MGA: variants seen among roughly 807,000 people sequenced by gnomAD.
MGA encodes the protein MAX gene-associated protein.
MGA carries 40 observed loss-of-function variants against 261.1 expected under a neutral mutation model. The ratio of observed to expected loss-of-function variants is 0.15; its 90% confidence interval spans 0.12 to 0.20. The LOEUF is 0.20. MGA is among the 10% of genes least tolerant of loss of function. MGA has a pLI of 1.00. For missense variants in MGA, 3,397 were observed against 3,630.5 expected (o/e 0.94, Z 1.65); for synonymous variants, 1,302 against 1,290.6 (o/e 1.01, Z -0.19).
chr15:41,633,153 G>A (rs986281864), intron 1 of MGA, among the ~76,000 whole-genome samples: 2 of 151,928 alleles, frequency 1.3e-5, no homozygotes, highest in Non-Finnish European at 2.9e-5. Context: ...GTTTCACTGC[G>A]TTAGCCAGGA....
At position 41,687,600 on chromosome 15, in the gene MGA, A is replaced by C. The variant is rs1311004143; in HGVS notation, c.1065-8475A>C. On this transcript the variant is annotated intron_variant, in intron 2 of 23. Transcript: ENST00000219905. ...TAAACTATTCGTTTGACTCTTGAGC[A>C]CTACTTTAGGTACATTCTACACATT... Among the ~76,000 whole-genome samples the C allele has an allele frequency of 3.9e-5, 6 of 152,176 alleles. 1 individual carries two copies. The highest frequency in any genetic ancestry group is 3.9e-4 in the Admixed American group (6 of 15,272).
chr15:41,684,330 C>A, intron 2 of MGA: 1 of 443,316 alleles, frequency 2.3e-6, no homozygotes, highest in Non-Finnish European at 4.5e-6. Flanking sequence ...GCATTGATTA[C>A]ATAATGCCAA....
At position 41,727,387 on chromosome 15, in the gene MGA, C is replaced by T; in HGVS notation, c.3638C>T (p.Thr1213Ile). 6.2e-7 allele frequency: 1 copy of T among 1,613,618 alleles called. No homozygotes were observed. The highest frequency in any genetic ancestry group is 1.1e-5 in the South Asian group (1 of 91,030). The change falls in exon 10 of 24, where the codon ACT becomes ATT. Residue 1213 changes from threonine to isoleucine, a missense_variant. By Grantham distance (89) the Thr-to-Ile change is moderately conservative. This residue lies in a region of MGA where 519 missense variants were observed against 554.1 expected (regional missense o/e 0.94). Transcript: ENST00000219905. The stretch of plus-strand genomic sequence containing the variant: ...GGAATTAAATCTCCACGGTCATATA[C>T]TCCCAAACCCAATCCTGTGGTAAGT...
Position 41,736,363 on chromosome 15 carries a change from C to G in MGA, c.4099C>G (p.Leu1367Val). The change falls in exon 13 of 24, where the codon CTT becomes GTT. Residue 1367 changes from leucine to valine, a missense_variant. Leu to Val is a conservative substitution (Grantham distance 32). Transcript: ENST00000219905. Reference sequence around the variant, plus strand: ...CATCAATAGCAACATGCCACAATCACTTAAGGTGGGCAGCTTCATCATTGA... The same window carrying G: ...CATCAATAGCAACATGCCACAATCAGTTAAGGTGGGCAGCTTCATCATTGA... 2 of 1,614,004 alleles carry G rather than the reference C, an allele frequency of 1.2e-6. No individual in the cohort carries two copies. Among genetic ancestry groups the G allele is most frequent in the Non-Finnish European group, 1.7e-6 (2 of 1,179,890 alleles).
chr15:41,760,592 A>T, intron 20 of MGA, 63 bp downstream of exon 20: 1 of 1,522,208 alleles, frequency 6.6e-7, no homozygotes, highest in Non-Finnish European at 9.1e-7. Flanking sequence ...ATGATATGAG[A>T]AAGATAATCC....
rs1336502207 is a variant in MGA, at chr15:41,766,914, T to C, written c.8832T>C (p.Ala2944=). Reference sequence around the variant, plus strand: ...ATTCCCTCCTTTCCAACAAGAAAGCTATTGATGGAGGGAAGAATACTTCTG... The same window carrying C: ...ATTCCCTCCTTTCCAACAAGAAAGCCATTGATGGAGGGAAGAATACTTCTG... The change falls in exon 24 of 24, where the codon GCT becomes GCC. Residue 2944 remains alanine, a synonymous_variant. Coordinates refer to ENST00000219905, the MANE Select transcript of MGA (RefSeq NM_001164273.2). The C allele has an allele frequency of 6.2e-7, 1 of 1,614,012 alleles. No homozygotes were observed. Among genetic ancestry groups the C allele is most frequent in the Non-Finnish European group, 8.5e-7 (1 of 1,179,882 alleles).
chr15:41,753,657 C>A (rs1403116994), intron 17 of MGA, among the ~76,000 whole-genome samples: 1 of 152,110 alleles, frequency 6.6e-6, no homozygotes, highest in East Asian at 1.9e-4. Flanking sequence ...TATCCTATTT[C>A]TATACCTGCC....
At chr15:41,742,479 A>G (rs1297310743) in intron 14 of MGA, 67 bp from the exon 15 acceptor site, 3 of 1,550,696 alleles carry the variant, frequency 1.9e-6, no homozygotes, top group Non-Finnish European at 2.6e-6. Context: ...AATGTCGGTA[A>G]GCACAGTCAC....
At chr15:41,727,113 G>C in intron 9 of MGA, 67 bp from the exon 10 acceptor site, 1 of 1,256,136 alleles carries the variant, frequency 8.0e-7, no homozygotes, top group Non-Finnish European at 1.1e-6. Flanking sequence ...TTTTGTTTTG[G>C]CAGTGCCTCA....
intron 9 of MGA, among the ~76,000 whole-genome samples, chr15:41,720,652 C>T (rs1394779411): frequency 1.3e-5 from 2 of 151,878 alleles, no homozygotes; most frequent in East Asian, 1.9e-4. Flanking sequence ...TGCAACATGG[C>T]GAAACCCCGT....
At chr15:41,744,091 G>GA (rs1739615977) in intron 15 of MGA, among the ~76,000 whole-genome samples, 2 of 152,082 alleles carry the variant, frequency 1.3e-5, no homozygotes, top group South Asian at 4.1e-4. Context: ...TTAGTGATGT[G>GA]GTCCAAATTC....
In MGA at chr15:41,730,283, C is replaced by T. The variant is rs1400029322; in HGVS notation, c.3843+934C>T. Among the ~76,000 whole-genome samples the T allele has an allele frequency of 2.6e-5, 4 of 151,852 alleles. No homozygotes were observed. In the East Asian group the frequency reaches 7.9e-4, roughly 30 times the overall value. ...TGAAACCCCATCCATAGTAAAAACA[C>T]AAAAAATTAGCCGGGTGTGGTGGTG... On this transcript the variant is annotated intron_variant, in intron 11 of 23. Transcript: ENST00000219905.
chr15:41,691,163 G>A (rs971680518), intron 2 of MGA, among the ~76,000 whole-genome samples: 48 of 151,084 alleles, frequency 3.2e-4, no homozygotes, highest in African/African-American at 1.1e-3. Flanking sequence ...AATATTTTTT[G>A]TCCATAAACG....
chr15:41,649,554 A>C (rs899931313), intron 1 of MGA, among the ~76,000 whole-genome samples: 1 of 152,196 alleles, frequency 6.6e-6, no homozygotes, highest in East Asian at 1.9e-4. Context: ...ATGTAGAATC[A>C]ACAGGAAGAT....
chr15:41,665,800 C>G (rs983466068), intron 1 of MGA, among the ~76,000 whole-genome samples: 25 of 152,230 alleles, frequency 1.6e-4, no homozygotes, highest in Non-Finnish European at 3.4e-4. Flanking sequence ...CCTGAAACCA[C>G]TAATCTACTT....
rs758732584 is a variant in MGA, at chr15:41,708,197, C to G, written c.2414C>G (p.Ser805Cys). 4.4e-6 allele frequency: 7 copies of G among 1,585,510 alleles called. No individual in the cohort carries two copies. In the South Asian group the frequency reaches 8.1e-5, roughly 18 times the overall value. Residue 805 changes from serine (S) to cysteine (C), a missense_variant, in exon 7 of 24, where the codon TCT becomes TGT. Around this residue, in one of 9 missense-constraint regions of MGA, gnomAD observed 519 missense variants for 554.1 expected, o/e 0.94. Transcript: ENST00000219905. ...GGAAAATTTCATAGTGCTTCTGCATCTAGGAATGAAGGTAATTAGTTTTTT... is the reference window on the plus strand; with the variant it reads ...GGAAAATTTCATAGTGCTTCTGCATGTAGGAATGAAGGTAATTAGTTTTTT...
At chr15:41,622,165 GAGA>G (rs1415302552) in intron 1 of MGA, among the ~76,000 whole-genome samples, 1 of 152,122 alleles carries the variant, frequency 6.6e-6, no homozygotes, top group Non-Finnish European at 1.5e-5. Context: ...AAGCGTCGGT[GAGA>G]AGCTGTGTGG....
intron 14 of MGA, 66 bp from the exon 15 acceptor site, chr15:41,742,480 G>A (rs1379058217): frequency 4.3e-5 from 67 of 1,553,984 alleles, no homozygotes; most frequent in Admixed American, 3.2e-4. Context: ...ATGTCGGTAA[G>A]CACAGTCACT....
rs2063792348 is a variant in MGA at position 41,766,233 on chromosome 15, G to C, written c.8151G>C (p.Gln2717His). The C allele has an allele frequency of 6.2e-7, 1 of 1,613,938 alleles. No individual in the cohort carries two copies. The highest frequency in any genetic ancestry group is 8.5e-7 in the Non-Finnish European group (1 of 1,179,854). ...GCAGAGTGACGTTGGGTCCAACGCAGGTTTTTCTGGCAAACAAAGATTCTG... is the reference window on the plus strand; with the variant it reads ...GCAGAGTGACGTTGGGTCCAACGCACGTTTTTCTGGCAAACAAAGATTCTG... Residue 2717 changes from glutamine to histidine, a missense_variant, in exon 24 of 24, where the codon CAG (glutamine) becomes CAC (histidine). Coordinates refer to ENST00000219905, the MANE Select transcript of MGA (RefSeq NM_001164273.2).
Sources: allele counts gnomAD v4.1 joint callset (sites outside exome capture counted in the v4.1 genomes callset), GRCh38; gene constraint gnomAD v4.1.1; regional missense constraint gnomAD v4.1.1; transcripts MANE v1.5; gene names NCBI Gene and HGNC (gene_info 2026-07-23, HGNC 2026-07-21).